APC2: variants seen among roughly 807,000 people sequenced by gnomAD.
APC2 encodes the protein adenomatous polyposis coli protein 2.
APC2 carries 41 observed loss-of-function variants against 72.5 expected under a neutral mutation model. The observed-to-expected ratio is 0.57, with a 90% confidence interval of 0.44 to 0.73. The LOEUF (loss-of-function observed/expected upper bound fraction) is 0.73, where lower values mean the gene tolerates loss of function less well. Among genes scored for constraint, APC2 ranks in the 30% least tolerant of loss-of-function variants. APC2 has a pLI of 0.00. For synonymous variants in APC2, 1,898 were observed against 1,612.0 expected (o/e 1.18, Z -4.25); for missense variants, 3,729 against 3,403.4 (o/e 1.10, Z -2.38).
rs1055067986 is a variant in APC2 at position 1,454,448 on chromosome 19, C to T, written c.414-701C>T. Among the ~76,000 whole-genome samples the T allele has an allele frequency of 3.0e-4, 45 of 151,112 alleles. 1 individual carries two copies. The highest frequency in any genetic ancestry group is 5.0e-4 in the Non-Finnish European group (34 of 67,868). On this transcript the variant is annotated intron_variant, in intron 4 of 14. Coordinates refer to ENST00000590469, the MANE Select transcript of APC2 (RefSeq NM_005883.3). ...GGCTGGAGTGCAGTGGTATGATCAT[C>T]GCTCACTGCAGCCTCGAACTCCTGG...
At chr19:1,455,346 G>T (rs1266111368) in intron 5 of APC2, 38 bp from the exon 6 acceptor site, 6 of 1,599,212 alleles carry the variant, frequency 3.8e-6, no homozygotes, top group Non-Finnish European at 5.1e-6. Flanking sequence ...CCTGGCCCGG[G>T]CGCCCCTCAC....
chr19:1,462,297 T>A (rs2097323306), intron 14 of APC2, 120 bp downstream of exon 14: 2 of 926,738 alleles, frequency 2.2e-6, no homozygotes, highest in South Asian at 1.7e-5. Flanking sequence ...GGCTGCTGTT[T>A]GCAGCATAAA....
intron 8 of APC2, 54 bp downstream of exon 8, chr19:1,456,458 A>G: frequency 6.7e-7 from 1 of 1,496,380 alleles, no homozygotes; most frequent in African/African-American, 1.4e-5. Flanking sequence ...TGGAAGGGGG[A>G]TCAGGTCTGC....
In APC2 at chr19:1,462,076, C is replaced by G; in HGVS notation, c.1752C>G (p.Thr584=). ...VDGALGFLVS[T]LTYKCQSNSL... The stretch of plus-strand genomic sequence containing the variant: ...GCGCCCTGGGCTTCCTGGTGAGCAC[C>G]CTGACCTACAAGTGTCAGAGCAACT... Residue 584 remains threonine (T), a synonymous_variant, in exon 14 of 15, where the codon ACC becomes ACG. Coordinates refer to ENST00000590469, the MANE Select transcript of APC2 (RefSeq NM_005883.3). 6.2e-7 allele frequency: 1 copy of G among 1,613,064 alleles called. No individual in the cohort carries two copies. The highest frequency in any genetic ancestry group is 8.5e-7 in the Non-Finnish European group (1 of 1,180,002).
At chr19:1,460,906 A>T in intron 12 of APC2, 49 bp downstream of exon 12, 3 of 1,604,812 alleles carry the variant, frequency 1.9e-6, no homozygotes, top group Non-Finnish European at 8.5e-7. Context: ...CCTGATAGGC[A>T]GAGGCCCCTC....
rs997880555 is a variant in APC2, at chr19:1,452,864, C to G, written c.-18-120C>G. 2 of 1,145,842 alleles carry G rather than the reference C, an allele frequency of 1.7e-6. No homozygotes were observed. Among genetic ancestry groups the G allele is most frequent in the East Asian group, 2.6e-5 (1 of 38,258 alleles). The allele number at this position is 1,145,842 out of a possible 1,614,324, so 71.0% of individuals were successfully genotyped here. On this transcript the variant is annotated intron_variant, in intron 1 of 14. Coordinates refer to ENST00000590469, the MANE Select transcript of APC2 (RefSeq NM_005883.3). This position sits in a 1 kb window ranked among gnomAD's most constrained non-coding sequence, Gnocchi z 5.1. The stretch of plus-strand genomic sequence containing the variant: ...CCACACCAGTGACTCCTGCCTGAGA[C>G]CCCCCCCAACCCAGGATCAGGCAGG...
Position 1,467,515 on chromosome 19 carries a change from C to T in APC2, c.4214C>T (p.Ser1405Leu). ...GTPVNFSSAA[S>L]LSDETLQGPP... ...CCGGTCAACTTCTCTAGCGCCGCCTCGCTCAGCGACGAGACGCTGCAGGGA... is the reference window on the plus strand; with the variant it reads ...CCGGTCAACTTCTCTAGCGCCGCCTTGCTCAGCGACGAGACGCTGCAGGGA... The change falls in exon 15 of 15, where the codon TCG becomes TTG. Residue 1405 changes from serine (S) to leucine (L), a missense_variant. Ser to Leu is a moderately radical substitution (Grantham distance 145). Transcript: ENST00000590469. 1 of 1,468,596 alleles carries T rather than the reference C, an allele frequency of 6.8e-7. No individual in the cohort carries two copies. The highest frequency in any genetic ancestry group is 9.0e-7 in the Non-Finnish European group (1 of 1,112,970). 91.0% of individuals were successfully genotyped at this position (1,468,596 alleles called of 1,614,324 possible). A position where few individuals can be genotyped will look rare whatever the true frequency, so the allele number is the denominator to read the frequency against.
chr19:1,467,390 G>A lies in APC2; in HGVS notation c.4089G>A (p.Val1363=). Residue 1363 remains valine (V), a synonymous_variant, in exon 15 of 15, where the codon GTG becomes GTA. Coordinates refer to ENST00000590469, the MANE Select transcript of APC2 (RefSeq NM_005883.3). ...TGCGCAAGGTGGCCTCCGCGCTGGT[G>A]CCAGGTCGCCGCGCACTCCCCGTGC... ...ARLRKVASAL[V]PGRRALPVPV... 5 of 1,487,108 alleles carry A rather than the reference G, an allele frequency of 3.4e-6. No individual in the cohort carries two copies. The highest frequency in any genetic ancestry group is 4.4e-6 in the Non-Finnish European group (5 of 1,124,428). 92.1% of individuals were successfully genotyped at this position (1,487,108 alleles called of 1,614,324 possible). A position where few individuals can be genotyped will look rare whatever the true frequency, so the allele number is the denominator to read the frequency against.
chr19:1,457,324 C>T (rs2083850064), intron 9 of APC2, 81 bp downstream of exon 9: 2 of 1,444,106 alleles, frequency 1.4e-6, no homozygotes, highest in Non-Finnish European at 1.8e-6. Flanking sequence ...ACTAGGACCT[C>T]CAGCCTTTGC....
upstream of APC2, chr19:1,446,442 A>T: frequency 1.1e-6 from 1 of 883,376 alleles, no homozygotes; most frequent in Non-Finnish European, 1.4e-6. This position sits in a 1 kb window ranked among gnomAD's most constrained non-coding sequence, Gnocchi z 6.1. Flanking sequence ...CGGGGGGCGC[A>T]TGGGGCGAGC....
chr19:1,470,020 T>C lies in APC2; in HGVS notation c.6719T>C (p.Ile2240Thr). The C allele has an allele frequency of 5.1e-6, 8 of 1,554,476 alleles. No homozygotes were observed. Among genetic ancestry groups the C allele is most frequent in the Non-Finnish European group, 6.9e-6 (8 of 1,155,740 alleles). ...GGTCCCAGCCTCGCCAAGGCTCCCA[T>C]CTCCGCACCCTTCGTGCACGAGGGC... Reference protein sequence around the residue: ...VDGPSLAKAPISAPFVHEGLG... With the variant: ...VDGPSLAKAPTSAPFVHEGLG... The change falls in exon 15 of 15, where the codon ATC becomes ACC. Residue 2240 changes from isoleucine to threonine, a missense_variant. Ile to Thr is a moderately conservative substitution (Grantham distance 89). Coordinates refer to ENST00000590469, the MANE Select transcript of APC2 (RefSeq NM_005883.3).
chr19:1,456,872 T>C lies in APC2; in HGVS notation c.836T>C (p.Leu279Pro). 6.3e-7 allele frequency: 1 copy of C among 1,595,436 alleles called. No individual in the cohort carries two copies. The highest frequency in any genetic ancestry group is 8.5e-7 in the Non-Finnish European group (1 of 1,176,622). ...CCCCAGGTGGAGGTGGTCTTCTGGC[T>C]GTTGTCCATGTTGGCGACGCGCGAC... Reference protein sequence around the residue: ...GNSKVEVVFWLLSMLATRDQE... With the variant: ...GNSKVEVVFWPLSMLATRDQE... The change falls in exon 9 of 15, where the codon CTG becomes CCG. Residue 279 changes from leucine (L) to proline (P), a missense_variant. By Grantham distance (98) the Leu-to-Pro change is moderately conservative (BLOSUM62 -3). Transcript: ENST00000590469.
In APC2 at chr19:1,456,834, G is replaced by T; in HGVS notation, c.817-19G>T. Reference sequence around the variant, plus strand: ...GGGGGCAGGTGAGGGACCCCACCCTGACCCTGCCCTCCCCCCAGGTGGAGG... The same window carrying T: ...GGGGGCAGGTGAGGGACCCCACCCTTACCCTGCCCTCCCCCCAGGTGGAGG... On this transcript the variant is annotated intron_variant, in intron 8 of 14. Transcript: ENST00000590469. The T allele has an allele frequency of 3.8e-6, 6 of 1,588,552 alleles. No individual in the cohort carries two copies. Among genetic ancestry groups the T allele is most frequent in the Non-Finnish European group, 5.1e-6 (6 of 1,173,332 alleles).
chr19:1,454,860 C>G (rs1470438195), intron 4 of APC2, among the ~76,000 whole-genome samples: 3 of 152,158 alleles, frequency 2.0e-5, no homozygotes, highest in African/African-American at 7.2e-5. Flanking sequence ...AGCCACCGCG[C>G]CCGGCCGGCT....
Position 1,468,242 on chromosome 19 carries a change from G to C in APC2, c.4941G>C (p.Leu1647=). ...GGCGCCGGCCCCCCGTGTCTGGCCTGCGGCGCCGCAAGCCCCGAGCCACCC... is the reference window on the plus strand; with the variant it reads ...GGCGCCGGCCCCCCGTGTCTGGCCTCCGGCGCCGCAAGCCCCGAGCCACCC... ...LPRRRPPVSG[L]RRRKPRATRL... is the part of the protein sequence containing the mutation. The change falls in exon 15 of 15, where the codon CTG becomes CTC. Residue 1647 remains leucine (L), a synonymous_variant. Transcript: ENST00000590469. 1 of 1,504,828 alleles carries C rather than the reference G, an allele frequency of 6.6e-7. No individual in the cohort carries two copies. Among genetic ancestry groups the C allele is most frequent in the Non-Finnish European group, 8.8e-7 (1 of 1,131,690 alleles). The allele number at this position is 1,504,828 out of a possible 1,614,324, so 93.2% of individuals were successfully genotyped here. A position where few individuals can be genotyped will look rare whatever the true frequency, so the allele number is the denominator to read the frequency against.
upstream of APC2, among the ~76,000 whole-genome samples, chr19:1,448,714 G>GGCGCCT (rs768712500): frequency 2.7e-5 from 4 of 150,532 alleles, no homozygotes; most frequent in Admixed American, 6.6e-5. Flanking sequence ...CGTGGTGGCG[G>GGCGCCT]GCGCCTGTAG....
At position 1,465,212 on chromosome 19, in the gene APC2, C is replaced by T. The variant is rs1464906790; in HGVS notation, c.1911C>T (p.His637=). ...CGCTGCTGCAGCATCTGACTTCGCACAGCCTGACCATCGTGAGCAACGCGT... is the reference window on the plus strand; with the variant it reads ...CGCTGCTGCAGCATCTGACTTCGCATAGCCTGACCATCGTGAGCAACGCGT... ...LQTLLQHLTS[H]SLTIVSNACG... The change falls in exon 15 of 15, where the codon CAC becomes CAT. Residue 637 remains histidine (H), a synonymous_variant. Coordinates refer to ENST00000590469, the MANE Select transcript of APC2 (RefSeq NM_005883.3). 1.2e-6 allele frequency: 2 copies of T among 1,610,148 alleles called. No individual in the cohort carries two copies. The highest frequency in any genetic ancestry group is 1.1e-5 in the South Asian group (1 of 90,612).
chr19:1,469,471 C>T lies in APC2; in HGVS notation c.6170C>T (p.Ala2057Val). The T allele has an allele frequency of 8.9e-7, 1 of 1,120,194 alleles. No homozygotes were observed. The highest frequency in any genetic ancestry group is 1.1e-6 in the Non-Finnish European group (1 of 920,464). The allele number at this position is 1,120,194 out of a possible 1,614,324, so 69.4% of individuals were successfully genotyped here. ...RAAPRQGPAP[A>V]RQRPPAARPS... ...GCACCCCGGCAGGGCCCGGCCCCGG[C>T]CCGGCAGCGGCCCCCCGCGGCCCGA... Residue 2057 changes from alanine (A) to valine (V), a missense_variant, in exon 15 of 15, where the codon GCC becomes GTC. Ala to Val is a moderately conservative substitution (Grantham distance 64, BLOSUM62 0). Coordinates refer to ENST00000590469, the MANE Select transcript of APC2 (RefSeq NM_005883.3).
rs2084016589 is a variant in APC2, at chr19:1,466,454, C to T, written c.3153C>T (p.Ala1051=). The part of the protein sequence containing the change: ...EKLAAAPLSV[A]SKALQKLAAQ... ...TGGCGGCTGCCCCGCTGTCTGTGGC[C>T]AGCAAGGCACTGCAGAAACTGGCGG... Residue 1051 remains alanine (A), a synonymous_variant, in exon 15 of 15, where the codon GCC becomes GCT. Coordinates refer to ENST00000590469, the MANE Select transcript of APC2 (RefSeq NM_005883.3). The T allele has an allele frequency of 6.3e-7, 1 of 1,597,940 alleles. No individual in the cohort carries two copies. Among genetic ancestry groups the T allele is most frequent in the African/African-American group, 1.3e-5 (1 of 74,908 alleles).
Sources: allele counts gnomAD v4.1 joint callset (sites outside exome capture counted in the v4.1 genomes callset), GRCh38; gene constraint gnomAD v4.1.1; non-coding constraint Gnocchi (gnomAD v3.1); transcripts MANE v1.5; gene names NCBI Gene and HGNC (gene_info 2026-07-23, HGNC 2026-07-21).